The following CPLANE1 variants were observed in gnomAD, a reference collection of about 807,000 sequenced individuals.
CPLANE1 encodes the protein ciliogenesis and planar polarity effector 1.
A neutral mutation model predicts 362.5 loss-of-function variants in CPLANE1; 263 were observed. The ratio of observed to expected loss-of-function variants is 0.73; its 90% CI spans 0.66 to 0.80. The LOEUF (loss-of-function observed/expected upper bound fraction) is 0.80. CPLANE1 is among the 30% of genes least tolerant of loss of function. CPLANE1 has a pLI of 0.00. For synonymous variants in CPLANE1, 1,212 were observed against 1,302.6 expected (o/e 0.93, Z 1.50); for missense variants, 3,461 against 3,793.4 (o/e 0.91, Z 2.30).
chr5:37,245,939 T>G, intron 2 of CPLANE1, 94 bp from the exon 3 acceptor site: 2 of 1,187,258 alleles, frequency 1.7e-6, no homozygotes, highest in East Asian at 5.3e-5. Flanking sequence ...AAGCGACATT[T>G]AAGAAAGATT....
At chr5:37,116,587 C>A (rs946733296) in intron 50 of CPLANE1, among the ~76,000 whole-genome samples, 2 of 151,208 alleles carry the variant, frequency 1.3e-5, no homozygotes, top group African/African-American at 4.9e-5. Context: ...CCACTGCACT[C>A]CCTTCTGGGC....
At chr5:37,187,981 T>C in intron 21 of CPLANE1, 139 bp from the exon 22 acceptor site, 1 of 478,458 alleles carries the variant, frequency 2.1e-6, no homozygotes, top group Admixed American at 3.8e-5. Context: ...ATGCTCATTG[T>C]AAATTTATAT....
In CPLANE1 at chr5:37,106,669, C is replaced by G; in HGVS notation, c.*933G>C. ...TAATGTTTAGCTTGATAGAAGGCAG[C>G]TGAATTACCATACCTGCTTCTGCAT... On this transcript the variant is annotated 3_prime_UTR_variant, in exon 53 of 53. Coordinates refer to ENST00000651892, the MANE Select transcript of CPLANE1 (RefSeq NM_001384732.1). The G allele has an allele frequency of 3.0e-6, 1 of 329,544 alleles. No individual in the cohort carries two copies. Among genetic ancestry groups the G allele is most frequent in the South Asian group, 1.2e-4 (1 of 8,158 alleles). 20.4% of individuals were successfully genotyped at this position (329,544 alleles called of 1,614,324 possible).
chr5:37,213,895 A>G (rs571462115), intron 15 of CPLANE1, among the ~76,000 whole-genome samples, 163 bp from the exon 16 acceptor site: 1 of 152,316 alleles, frequency 6.6e-6, no homozygotes, highest in African/African-American at 2.4e-5. Context: ...CGTACTTCTT[A>G]AAGACAATAA....
At chr5:37,228,724 C>T (rs1463896393) in intron 9 of CPLANE1, among the ~76,000 whole-genome samples, 1 of 152,040 alleles carries the variant, frequency 6.6e-6, no homozygotes, top group African/African-American at 2.4e-5. Flanking sequence ...TATAGGATTA[C>T]AAGTATTTAG....
chr5:37,101,457 A>G (rs1757284363), downstream of CPLANE1, among the ~76,000 whole-genome samples: 1 of 152,180 alleles, frequency 6.6e-6, no homozygotes, highest in Admixed American at 6.5e-5. Flanking sequence ...AGCCGACTTG[A>G]TCATGGTGGA....
rs555752816 is a variant in CPLANE1, at chr5:37,189,885, G to T, written c.3812-2043C>A. Among the ~76,000 whole-genome samples, 23 of 152,128 alleles carry T rather than the reference G, an allele frequency of 1.5e-4. No individual in the cohort carries two copies. The East Asian group carries it at 4.5e-3, about 29-fold the overall frequency. On this transcript the variant is annotated intron_variant, in intron 21 of 52. Coordinates refer to ENST00000651892, the MANE Select transcript of CPLANE1 (RefSeq NM_001384732.1). ...GTGGTGGTGTGCACCTGTAATCCCAGCTACTTGGGAGGCTGAGGCAGAAGA... is the reference window on the plus strand; with the variant it reads ...GTGGTGGTGTGCACCTGTAATCCCATCTACTTGGGAGGCTGAGGCAGAAGA...
the CPLANE1 span, among the ~76,000 whole-genome samples, chr5:37,098,836 C>G: frequency 1.4e-5 from 2 of 140,858 alleles, no homozygotes; most frequent in South Asian, 4.5e-4. Flanking sequence ...TTGCAACACA[C>G]AGAAATGAAA....
At position 37,138,757 on chromosome 5, in the gene CPLANE1, C is replaced by T; in HGVS notation, c.8755G>A (p.Glu2919Lys). 6.2e-7 allele frequency: 1 copy of T among 1,613,042 alleles called. No individual in the cohort carries two copies. The highest frequency in any genetic ancestry group is 8.5e-7 in the Non-Finnish European group (1 of 1,179,540). Residue 2919 changes from glutamate to lysine, a missense_variant, in exon 46 of 53, where the codon GAA becomes AAA. Transcript: ENST00000651892. ...LIIKDGVSSE[E>K]LGLTEQAMGT... is the part of the protein sequence containing the mutation. ...ATAGCTTGTTCTGTTAAGCCAAGTT[C>T]TTCACTGGAAACTCCGTCTTTAATT... is the stretch of plus-strand genomic sequence containing the variant.
At chr5:37,173,454 T>A (rs936906832) in intron 32 of CPLANE1, among the ~76,000 whole-genome samples, 3 of 152,046 alleles carry the variant, frequency 2.0e-5, no homozygotes, top group Non-Finnish European at 4.4e-5. Context: ...GGTCTTTTTT[T>A]TCCTAGTAGA....
At chr5:37,147,940 G>C (rs533106994) in intron 43 of CPLANE1, among the ~76,000 whole-genome samples, 1 of 100,438 alleles carries the variant, frequency 1.0e-5, no homozygotes, top group South Asian at 3.5e-4. Context: ...CCCCATCCTA[G>C]TATAAAATCC....
At position 37,236,490 on chromosome 5, in the gene CPLANE1, G is replaced by A. The variant is rs184614687; in HGVS notation, c.938+2367C>T. On this transcript the variant is annotated intron_variant, in intron 8 of 52. Transcript: ENST00000651892. ...AAAAAAATCCTAGAAGAAAACCTAGGAAAAACTCTTCTGGACATTGGGCTA... is the reference window on the plus strand; with the variant it reads ...AAAAAAATCCTAGAAGAAAACCTAGAAAAAACTCTTCTGGACATTGGGCTA... Among the ~76,000 whole-genome samples the A allele has an allele frequency of 2.2e-4, 34 of 152,120 alleles. No homozygotes were observed. In the East Asian group the frequency reaches 6.6e-3, roughly 29 times the overall value.
intron 31 of CPLANE1, among the ~76,000 whole-genome samples, chr5:37,175,629 T>C (rs1361470963): frequency 6.6e-6 from 1 of 152,188 alleles, no homozygotes; most frequent in African/African-American, 2.4e-5. Context: ...AGCAACAACT[T>C]CATCTTTCAA....
chr5:37,195,458 G>T (rs1412207510), intron 21 of CPLANE1, among the ~76,000 whole-genome samples: 2 of 151,906 alleles, frequency 1.3e-5, no homozygotes, highest in Non-Finnish European at 2.9e-5. Context: ...AAAATTAGCT[G>T]GGTGTGGTGG....
chr5:37,113,121 C>A (rs990873334), intron 51 of CPLANE1, among the ~76,000 whole-genome samples: 1 of 152,158 alleles, frequency 6.6e-6, no homozygotes, highest in African/African-American at 2.4e-5. Flanking sequence ...GAGAGAAAAG[C>A]TGGCATGGGA....
intron 15 of CPLANE1, among the ~76,000 whole-genome samples, chr5:37,220,406 A>G (rs1795109667): frequency 6.6e-6 from 1 of 152,190 alleles, no homozygotes; most frequent in Non-Finnish European, 1.5e-5. Context: ...CTACCACCCT[A>G]TAAGCATTAT....
At position 37,107,096 on chromosome 5, in the gene CPLANE1, T is replaced by G; in HGVS notation, c.*506A>C. The G allele has an allele frequency of 1.0e-6, 1 of 985,452 alleles. No individual in the cohort carries two copies. Among genetic ancestry groups the G allele is most frequent in the Non-Finnish European group, 1.2e-6 (1 of 829,950 alleles). 61.0% of individuals were successfully genotyped at this position (985,452 alleles called of 1,614,324 possible). A position where few individuals can be genotyped will look rare whatever the true frequency, so the allele number is the denominator to read the frequency against. On this transcript the variant is annotated 3_prime_UTR_variant, in exon 53 of 53. Transcript: ENST00000651892. ...TGCTTATTTAGAGATTCAGGGTTGG[T>G]AAAAGGTAGTTGGTTTTTCTTTTCA...
chr5:37,165,659 TC>T lies in CPLANE1; in HGVS notation c.7412del (p.Arg2471LysfsTer14), dbSNP rs1387149112. ...GKDSKKRQRR[R>X]AEKELQEKRC... The stretch of plus-strand genomic sequence containing the variant: ...TTTTTTCTTGCAGCTCTTTCTCAGC[TC>T]TTCTTCTTTGCCTGTTAAACATAAT... On this transcript the variant is annotated frameshift_variant, in exon 36 of 53. Coordinates refer to ENST00000651892, the MANE Select transcript of CPLANE1 (RefSeq NM_001384732.1). LOFTEE classifies it high-confidence loss of function. The T allele has an allele frequency of 6.2e-7, 1 of 1,606,728 alleles. No individual in the cohort carries two copies.
At chr5:37,235,869 A>ACTTTTTTT (rs1798868093) in intron 8 of CPLANE1, among the ~76,000 whole-genome samples, 1 of 125,216 alleles carries the variant, frequency 8.0e-6, no homozygotes, top group Non-Finnish European at 1.7e-5. Flanking sequence ...TGTGCCCAGC[A>ACTTTTTTT]CTTTTTTTTT....
Sources: gnomAD v4.1 joint callset for allele counts (sites outside exome capture counted in the v4.1 genomes callset) on GRCh38, gnomAD v4.1.1 for gene constraint, MANE v1.5 for transcripts, NCBI Gene and HGNC (gene_info 2026-07-23, HGNC 2026-07-21) for gene names.